The following KLHL32 variants were observed in gnomAD, a reference collection of about 807,000 sequenced individuals.
KLHL32 encodes kelch like family member 32.
KLHL32 carries 35 observed loss-of-function variants against 64.8 expected under a neutral mutation model. That is an observed-to-expected ratio of 0.54 (90% CI 0.41 to 0.72). KLHL32 has a LOEUF of 0.72. Ranked by LOEUF, KLHL32 falls within the 30% of genes least tolerant of loss-of-function variation. The probability of loss-of-function intolerance (pLI) is 0.00; values close to 1 mark genes in which losing one functional copy is unlikely to be tolerated. For synonymous variants in KLHL32, 259 were observed against 281.0 expected, an observed-to-expected ratio of 0.92 and a Z score of 0.78; for missense variants, 589 against 768.5, an observed-to-expected ratio of 0.77 and a Z score of 2.76.
chr6:97,037,070 A>G (rs1386841879), intron 3 of KLHL32, among the ~76,000 whole-genome samples: 1 of 152,148 alleles, frequency 6.6e-6, no homozygotes, highest in African/African-American at 2.4e-5. Flanking sequence ...TAGCTTTTTA[A>G]TATATCAAAT....
intron 6 of KLHL32, among the ~76,000 whole-genome samples, chr6:97,098,686 A>C (rs1795309380): frequency 6.6e-6 from 1 of 152,216 alleles, no homozygotes; most frequent in Admixed American, 6.5e-5. Context: ...AGTTCTGTTT[A>C]AAATGTTTAT....
At chr6:97,105,495 G>T (rs748737385) in intron 6 of KLHL32, 3 of 470,922 alleles carry the variant, frequency 6.4e-6, no homozygotes, top group Admixed American at 4.7e-5. Flanking sequence ...TGGTGCCCTG[G>T]CTTACCTCAA....
chr6:97,020,029 G>A (rs1781777077), intron 3 of KLHL32, among the ~76,000 whole-genome samples: 1 of 149,656 alleles, frequency 6.7e-6, no homozygotes, highest in Non-Finnish European at 1.5e-5. Flanking sequence ...TGCAACCTCT[G>A]CCTCCTGGGT....
chr6:96,974,643 T>A (rs1297995265), intron 2 of KLHL32, among the ~76,000 whole-genome samples: 2 of 152,210 alleles, frequency 1.3e-5, no homozygotes, highest in African/African-American at 4.8e-5. Flanking sequence ...GTCAAAACTG[T>A]CCAATAAAGC....
At chr6:97,113,681 A>G in intron 6 of KLHL32, 102 bp from the exon 7 acceptor site, 1 of 1,395,360 alleles carries the variant, frequency 7.2e-7, no homozygotes, top group South Asian at 1.4e-5. Context: ...AGTTTGTATT[A>G]TTACCTGCCT....
intron 1 of KLHL32, among the ~76,000 whole-genome samples, chr6:96,948,167 C>T (rs537836517): frequency 6.6e-5 from 10 of 152,206 alleles, no homozygotes; most frequent in East Asian, 3.9e-4. Flanking sequence ...CTAGCTATTC[C>T]GTGTTACTAA....
chr6:96,975,039 A>G (rs9791288), intron 2 of KLHL32, among the ~76,000 whole-genome samples: 63,606 of 152,120 alleles, frequency 0.42, 13,491 homozygotes, highest in South Asian at 0.54. Flanking sequence ...AGAGCACTGT[A>G]TAGATTCCCG....
intron 4 of KLHL32, among the ~76,000 whole-genome samples, chr6:97,051,287 C>T (rs1786860869): frequency 6.6e-6 from 1 of 152,156 alleles, no homozygotes; most frequent in Non-Finnish European, 1.5e-5. Context: ...TTCCTCCATT[C>T]TCCTTCCAAC....
At position 97,132,673 on chromosome 6, in the gene KLHL32, G is replaced by A. The variant is rs1365703410; in HGVS notation, c.1627G>A (p.Ala543Thr). Residue 543 changes from alanine to threonine, a missense_variant, in exon 10 of 11, where the codon GCT becomes ACT. Coordinates refer to ENST00000369261, the MANE Select transcript of KLHL32 (RefSeq NM_052904.4). ...LLTGQNESGV[A>T]VHNGRIYLVG... is the part of the protein sequence containing the mutation. Reference sequence around the variant, plus strand: ...TTTAGGCCAAAATGAATCTGGAGTTGCTGTCCATAATGGGAGAATATATTT... The same window carrying A: ...TTTAGGCCAAAATGAATCTGGAGTTACTGTCCATAATGGGAGAATATATTT... 1 of 1,611,452 alleles carries A rather than the reference G, an allele frequency of 6.2e-7. No individual in the cohort carries two copies. Among genetic ancestry groups the A allele is most frequent in the Non-Finnish European group, 8.5e-7 (1 of 1,178,558 alleles).
the KLHL32 span, among the ~76,000 whole-genome samples, chr6:96,909,164 G>A: frequency 6.6e-6 from 1 of 152,060 alleles, no homozygotes. Flanking sequence ...GATACCAATT[G>A]ACCTGCCTTG....
At chr6:97,085,409 G>C (rs940078518) in intron 6 of KLHL32, 68 bp downstream of exon 6, 5 of 1,357,536 alleles carry the variant, frequency 3.7e-6, no homozygotes, top group Admixed American at 3.6e-5. Context: ...TTAAAGGACT[G>C]AGGAACAATT....
At chr6:97,135,611 G>A (rs912292630) in intron 10 of KLHL32, among the ~76,000 whole-genome samples, 1 of 152,106 alleles carries the variant, frequency 6.6e-6, no homozygotes, top group Non-Finnish European at 1.5e-5. Flanking sequence ...TTGTTATTAA[G>A]AGCCTTTACT....
intron 7 of KLHL32, among the ~76,000 whole-genome samples, chr6:97,117,702 A>G (rs1365930588): frequency 1.3e-5 from 2 of 152,204 alleles, no homozygotes; most frequent in Non-Finnish European, 1.5e-5. Context: ...AAGGTAAAAT[A>G]AGCTCTTAAA....
intron 3 of KLHL32, among the ~76,000 whole-genome samples, chr6:97,010,983 C>T (rs1357286486): frequency 1.3e-5 from 2 of 152,162 alleles, no homozygotes; most frequent in African/African-American, 2.4e-5. Flanking sequence ...ATCTTTAACA[C>T]GTACACCTGC....
intron 3 of KLHL32, among the ~76,000 whole-genome samples, chr6:97,001,722 A>G (rs1306835624): frequency 6.6e-6 from 1 of 152,230 alleles, no homozygotes; most frequent in Non-Finnish European, 1.5e-5. Context: ...TATTCCTTTG[A>G]AGAACAGATA....
the KLHL32 span, among the ~76,000 whole-genome samples, chr6:96,898,694 GAAAA>G: frequency 1.3e-3 from 197 of 147,794 alleles, no homozygotes; most frequent in African/African-American, 4.4e-3. Flanking sequence ...TAAGACGTCA[GAAAA>G]AAAAAACAAA....
intron 3 of KLHL32, among the ~76,000 whole-genome samples, chr6:97,021,266 A>G (rs1781950476): frequency 6.6e-6 from 1 of 150,830 alleles, no homozygotes; most frequent in South Asian, 2.1e-4. Context: ...ATGAATGACC[A>G]CATCACCATG....
At chr6:97,064,581 T>G in intron 4 of KLHL32, 47 bp from the exon 5 acceptor site, 2 of 1,379,342 alleles carry the variant, frequency 1.4e-6, no homozygotes, top group Non-Finnish European at 2.1e-6. Context: ...CAGCATTATA[T>G]TTTTAAGTGT....
chr6:97,045,239 T>C (rs1785746434), intron 4 of KLHL32, among the ~76,000 whole-genome samples: 1 of 152,204 alleles, frequency 6.6e-6, no homozygotes, highest in South Asian at 2.1e-4. Flanking sequence ...ACTTAGGAAA[T>C]TAAGGCAGGC....
Sources: allele counts gnomAD v4.1 joint callset (sites outside exome capture counted in the v4.1 genomes callset), GRCh38; gene constraint gnomAD v4.1.1; transcripts MANE v1.5; gene names NCBI Gene and HGNC (gene_info 2026-07-23, HGNC 2026-07-21).